The following FHDC1 variants were observed in gnomAD, a reference collection of about 807,000 sequenced individuals.
FHDC1 encodes FH2 domain containing 1, also known as FH2 domain-containing protein 1.
A neutral mutation model predicts 52.6 loss-of-function variants in FHDC1; 25 were observed. The observed-to-expected ratio is 0.48, with a 90% CI of 0.35 to 0.66. FHDC1 has a LOEUF of 0.66. FHDC1 is among the 30% of genes least tolerant of loss of function. FHDC1 has a pLI of 0.01. For missense variants in FHDC1, 1,459 were observed against 1,452.8 expected, an observed-to-expected ratio of 1.00 and a Z score of -0.07; for synonymous variants, 616 against 581.5, an observed-to-expected ratio of 1.06 and a Z score of -0.85.
intron 11 of FHDC1, 136 bp from the exon 12 acceptor site, chr4:152,974,539 C>CT: frequency 7.5e-7 from 1 of 1,326,242 alleles, no homozygotes; most frequent in African/African-American, 1.5e-5. Context: ...CACACAGCCT[C>CT]TTTCTCAGTG....
Position 152,954,214 on chromosome 4 carries a change from A to C in FHDC1, c.561-3A>C. On this transcript the variant is annotated splice_region_variant and splice_polypyrimidine_tract_variant and intron_variant, in intron 3 of 11. Coordinates refer to ENST00000511601, the MANE Select transcript of FHDC1 (RefSeq NM_001371116.1). ...ATGGAATGTGATTCATTGTCTTTTCAAGGTCTCCTCGGTCCATTGTAGAAG... is the reference window on the plus strand; with the variant it reads ...ATGGAATGTGATTCATTGTCTTTTCCAGGTCTCCTCGGTCCATTGTAGAAG... 1 of 1,612,178 alleles carries C rather than the reference A, an allele frequency of 6.2e-7. No homozygotes were observed. The highest frequency in any genetic ancestry group is 8.5e-7 in the Non-Finnish European group (1 of 1,178,294).
chr4:152,943,648 C>T (rs894757960), intron 2 of FHDC1, 93 bp downstream of exon 2: 22 of 1,407,590 alleles, frequency 1.6e-5, no homozygotes, highest in African/African-American at 7.2e-5. Context: ...CTAGACACCC[C>T]TAAGAAATGA....
In FHDC1 at chr4:152,975,990, A is replaced by G. The variant is rs1740861701; in HGVS notation, c.2699A>G (p.Glu900Gly). Residue 900 changes from glutamate to glycine, a missense_variant, in exon 12 of 12, where the codon GAG (glutamate) becomes GGG (glycine). Glu to Gly is a moderately conservative substitution (Grantham distance 98, BLOSUM62 -2). This residue lies in a region of FHDC1 where 939 missense variants were observed against 854.5 expected (regional missense o/e 1.10). Transcript: ENST00000511601. ...SVRTLTASEN[E>G]SMRKVMPITK... ...CGGACCCTGACCGCCTCAGAGAACG[A>G]GAGCATGCGCAAGGTCATGCCCATC... The G allele has an allele frequency of 1.3e-6, 2 of 1,525,996 alleles. No individual in the cohort carries two copies. The highest frequency in any genetic ancestry group is 1.8e-6 in the Non-Finnish European group (2 of 1,139,304). 94.5% of individuals were successfully genotyped at this position (1,525,996 alleles called of 1,614,324 possible). A position where few individuals can be genotyped will look rare whatever the true frequency, so the allele number is the denominator to read the frequency against.
At chr4:152,966,424 G>GTT (rs530229898) in intron 9 of FHDC1, among the ~76,000 whole-genome samples, 5 of 152,126 alleles carry the variant, frequency 3.3e-5, no homozygotes, top group Admixed American at 6.5e-5. Context: ...CGCCTACTCA[G>GTT]TTTTCTGGGT....
chr4:152,974,277 T>G (rs1017013092), intron 11 of FHDC1, among the ~76,000 whole-genome samples: 1 of 152,216 alleles, frequency 6.6e-6, no homozygotes, highest in African/African-American at 2.4e-5. Context: ...TGTCTTATAC[T>G]GCTCAGAAAC....
chr4:152,918,961 A>G, the FHDC1 span, among the ~76,000 whole-genome samples: 3 of 152,388 alleles, frequency 2.0e-5, no homozygotes, highest in East Asian at 3.9e-4. Flanking sequence ...GAAGAGGATC[A>G]GGCTTCAAAG....
the FHDC1 span, among the ~76,000 whole-genome samples, chr4:152,930,997 A>ACACTCTCTCT: frequency 4.4e-5 from 5 of 113,252 alleles, no homozygotes; most frequent in African/African-American, 1.7e-4. Context: ...ACACACACAC[A>ACACTCTCTCT]CTCTCTCTCT....
chr4:152,964,826 A>G lies in FHDC1; in HGVS notation c.1030-79A>G. 5 of 1,192,460 alleles carry G rather than the reference A, an allele frequency of 4.2e-6. No homozygotes were observed. The South Asian group carries it at 5.4e-5, about 13-fold the overall frequency. The allele number at this position is 1,192,460 out of a possible 1,614,324, so 73.9% of individuals were successfully genotyped here. A position where few individuals can be genotyped will look rare whatever the true frequency, so the allele number is the denominator to read the frequency against. On this transcript the variant is annotated intron_variant, in intron 8 of 11. Transcript: ENST00000511601. ...TTTAAAAACAGGAGCAGTGATTTTA[A>G]GATTCCTTTAAGCCCTAAGAAAATT...
intron 11 of FHDC1, among the ~76,000 whole-genome samples, chr4:152,973,674 A>C (rs1740746326): frequency 6.6e-6 from 1 of 152,230 alleles, no homozygotes; most frequent in Admixed American, 6.5e-5. Flanking sequence ...CTGCAGGCGG[A>C]GCCAAGAGTC....
In FHDC1 at chr4:152,949,106, TAATAATAATAATAATAATAAGAAG is replaced by T. The variant is rs1385349288; in HGVS notation, c.499-4390_499-4367del. 2.0e-3 allele frequency among the ~76,000 whole-genome samples: 142 copies of T among 69,712 alleles called. 2 individuals are homozygous for T. Among genetic ancestry groups the T allele is most frequent in the South Asian group, 5.4e-3 (8 of 1,490 alleles). The allele number at this position is 69,712 out of a possible 152,430, so 45.7% of individuals were successfully genotyped here. On this transcript the variant is annotated intron_variant, in intron 2 of 11. Transcript: ENST00000511601. ...CTTGTCTCAGTAATAATAATAATAA[TAATAATAATAATAATAATAAGAAG>T]AAGAAGAAGAAGAAGAAGAAGAAGA...
intron 11 of FHDC1, among the ~76,000 whole-genome samples, chr4:152,973,372 G>C (rs992958630): frequency 6.6e-6 from 1 of 152,164 alleles, no homozygotes; most frequent in African/African-American, 2.4e-5. Flanking sequence ...TTGTGTTCTC[G>C]ACCCCTCCTT....
intron 4 of FHDC1, 60 bp from the exon 5 acceptor site, chr4:152,960,505 T>C: frequency 1.5e-6 from 2 of 1,311,340 alleles, no homozygotes; most frequent in East Asian, 2.3e-5. Context: ...GAAATTTAAA[T>C]AATCTTAAAT....
chr4:152,969,808 T>C (rs1415571635), intron 10 of FHDC1, among the ~76,000 whole-genome samples: 3 of 151,944 alleles, frequency 2.0e-5, no homozygotes, highest in African/African-American at 7.3e-5. Flanking sequence ...CAGCTGAGAC[T>C]ACAGGCGCAT....
Position 152,978,506 on chromosome 4 carries a change from C to T in FHDC1, c.*1783C>T, listed in dbSNP as rs1059355. 137,353 of 152,092 alleles carry T rather than the reference C, an allele frequency of 0.9. 62,208 individuals are homozygous for T. The highest frequency in any genetic ancestry group is 1 in the East Asian group (5,179 of 5,182). The allele number at this position is 152,092 out of a possible 1,614,324, so 9.4% of individuals were successfully genotyped here. On this transcript the variant is annotated 3_prime_UTR_variant, in exon 12 of 12. Transcript: ENST00000511601. ...AGAATGTATATCATCGGGAAAAGTT[C>T]GGGGGCAGAGTGGGGGAATCAGGCT...
At chr4:152,922,465 C>A in the FHDC1 span, among the ~76,000 whole-genome samples, 1 of 152,096 alleles carries the variant, frequency 6.6e-6, no homozygotes, top group Admixed American at 6.5e-5. Flanking sequence ...TGAAACTATT[C>A]CAATCAATAG....
the FHDC1 span, among the ~76,000 whole-genome samples, chr4:152,926,267 GACACACACAC>G: frequency 0.38 from 55,448 of 144,496 alleles, 11,318 homozygotes; most frequent in Admixed American, 0.5. Context: ...TTAAAATACA[GACACACACAC>G]ACACACACAC....
chr4:152,958,161 A>G (rs1740162619), intron 4 of FHDC1, among the ~76,000 whole-genome samples: 1 of 152,170 alleles, frequency 6.6e-6, no homozygotes, highest in African/African-American at 2.4e-5. Flanking sequence ...GGAATTAGAT[A>G]GGATGAAGGA....
chr4:152,939,334 C>T (rs1004408991), intron 1 of FHDC1, among the ~76,000 whole-genome samples: 9 of 151,982 alleles, frequency 5.9e-5, no homozygotes, highest in East Asian at 1.9e-4. Flanking sequence ...ACGGGTTTCA[C>T]CATGTTGGAC....
chr4:152,914,885 TAA>T, the FHDC1 span, among the ~76,000 whole-genome samples: 2 of 151,914 alleles, frequency 1.3e-5, no homozygotes, highest in African/African-American at 4.8e-5. Flanking sequence ...GCAAACTCTG[TAA>T]AAACTTTTTT....
Sources: gnomAD v4.1 joint callset for allele counts (sites outside exome capture counted in the v4.1 genomes callset) on GRCh38, gnomAD v4.1.1 for gene constraint, gnomAD v4.1.1 regional missense constraint, MANE v1.5 for transcripts, NCBI Gene and HGNC (gene_info 2026-07-23, HGNC 2026-07-21) for gene names.